The following CREB5 variants were observed in gnomAD, a reference collection of about 807,000 sequenced individuals.
CREB5 encodes the protein cAMP responsive element binding protein 5, also known as cyclic AMP-responsive element-binding protein 5.
CREB5 carries 19 observed loss-of-function variants against 57.1 expected under a neutral mutation model. The ratio of observed to expected loss-of-function variants is 0.33; its 90% confidence interval spans 0.23 to 0.49. CREB5 has a LOEUF of 0.49. CREB5 is among the 20% of genes least tolerant of loss of function. The pLI, the probability that CREB5 is intolerant of heterozygous loss-of-function variation, is 0.99. For synonymous variants in CREB5, 238 were observed against 238.3 expected, an observed-to-expected ratio of 1.00 and a Z score of 0.01; for missense variants, 579 against 671.6, an observed-to-expected ratio of 0.86 and a Z score of 1.52.
At chr7:28,634,955 A>T (rs745403478) in intron 5 of CREB5, among the ~76,000 whole-genome samples, 2 of 152,216 alleles carry the variant, frequency 1.3e-5, no homozygotes, top group Non-Finnish European at 2.9e-5. Flanking sequence ...CCAACAACAC[A>T]CAAAAGACAT....
intron 1 of CREB5, among the ~76,000 whole-genome samples, chr7:28,305,215 A>G (rs1175820984): frequency 1.3e-5 from 2 of 152,118 alleles, no homozygotes; most frequent in African/African-American, 4.8e-5. Context: ...TCTTTTTTTT[A>G]CAATACCTTT....
chr7:28,480,769 G>A (rs1791289855), intron 1 of CREB5, among the ~76,000 whole-genome samples: 1 of 152,162 alleles, frequency 6.6e-6, no homozygotes, highest in African/African-American at 2.4e-5. Flanking sequence ...AGGGGACAAG[G>A]ACCTAAATGC....
chr7:28,668,992 C>T (rs542706542), intron 5 of CREB5, among the ~76,000 whole-genome samples: 1 of 152,128 alleles, frequency 6.6e-6, no homozygotes. Flanking sequence ...GTATGCAACA[C>T]GAGAAAGGCA....
At chr7:28,371,716 G>C (rs1167617653) in intron 1 of CREB5, among the ~76,000 whole-genome samples, 1 of 152,100 alleles carries the variant, frequency 6.6e-6, no homozygotes, top group East Asian at 1.9e-4. Context: ...GGAGTTGGAA[G>C]TCCCGCCCCT....
At chr7:28,343,206 C>T (rs183503111) in intron 1 of CREB5, among the ~76,000 whole-genome samples, 3 of 152,328 alleles carry the variant, frequency 2.0e-5, no homozygotes, top group African/African-American at 7.2e-5. Context: ...TCCGAAAGTG[C>T]TGGGATTACA....
At chr7:28,449,587 C>A (rs1789685143) in intron 1 of CREB5, among the ~76,000 whole-genome samples, 1 of 152,182 alleles carries the variant, frequency 6.6e-6, no homozygotes, top group Non-Finnish European at 1.5e-5. Context: ...GTCCTGCAAC[C>A]TCAATGATAT....
At chr7:28,483,610 T>C (rs1791429991) in intron 1 of CREB5, among the ~76,000 whole-genome samples, 1 of 152,198 alleles carries the variant, frequency 6.6e-6, no homozygotes, top group East Asian at 1.9e-4. Flanking sequence ...GCCACAATTA[T>C]GACAGTGTCT....
intron 5 of CREB5, among the ~76,000 whole-genome samples, chr7:28,677,484 G>A (rs1022855507): frequency 6.6e-6 from 1 of 152,150 alleles, no homozygotes; most frequent in Non-Finnish European, 1.5e-5. Flanking sequence ...GCCTTCAAGG[G>A]ATTGAGATTC....
chr7:28,311,138 C>CAAAAAAAAAAAA (rs58272820), intron 1 of CREB5, among the ~76,000 whole-genome samples: 163 of 117,362 alleles, frequency 1.4e-3, no homozygotes, highest in Middle Eastern at 4.8e-3. Flanking sequence ...ACTAAAAATA[C>CAAAAAAAAAAAA]AAAAAAAAAA....
intron 1 of CREB5, among the ~76,000 whole-genome samples, chr7:28,437,042 T>C (rs1357433712): frequency 1.3e-5 from 2 of 152,160 alleles, no homozygotes; most frequent in Non-Finnish European, 2.9e-5. Context: ...GTCATGATTT[T>C]GTCTCCACTT....
chr7:28,342,683 C>T (rs1387271195), intron 1 of CREB5, among the ~76,000 whole-genome samples: 1 of 152,200 alleles, frequency 6.6e-6, no homozygotes, highest in East Asian at 1.9e-4. Flanking sequence ...TCTGTCTGTT[C>T]CACCTCATGC....
At chr7:28,756,355 C>A (rs1024063764) in intron 7 of CREB5, among the ~76,000 whole-genome samples, 1 of 151,980 alleles carries the variant, frequency 6.6e-6, no homozygotes, top group Admixed American at 6.6e-5. Flanking sequence ...GAGTTCGAGA[C>A]CAGCCTGAGC....
chr7:28,763,064 C>T (rs1034379333), intron 7 of CREB5, among the ~76,000 whole-genome samples: 1 of 152,192 alleles, frequency 6.6e-6, no homozygotes, highest in African/African-American at 2.4e-5. Flanking sequence ...GAGGCCTAAC[C>T]TTGCTTAAAG....
chr7:28,447,848 A>T (rs1789565061), intron 1 of CREB5, among the ~76,000 whole-genome samples: 1 of 152,076 alleles, frequency 6.6e-6, no homozygotes, highest in African/African-American at 2.4e-5. Context: ...ACTTAGAGAG[A>T]TATTTATTAA....
intron 1 of CREB5, among the ~76,000 whole-genome samples, chr7:28,460,944 T>A (rs1376952137): frequency 2.6e-5 from 4 of 151,912 alleles, no homozygotes; most frequent in Admixed American, 2.6e-4. Context: ...CCTATAGTCC[T>A]AGCTACTCAG....
chr7:28,438,501 T>C (rs1789051451), intron 1 of CREB5, among the ~76,000 whole-genome samples: 1 of 152,170 alleles, frequency 6.6e-6, no homozygotes, highest in Non-Finnish European at 1.5e-5. Context: ...TAATTCATTT[T>C]TCTTTTTAAA....
chr7:28,698,202 G>A (rs574441579), intron 5 of CREB5, among the ~76,000 whole-genome samples: 6 of 152,114 alleles, frequency 3.9e-5, no homozygotes, highest in South Asian at 2.1e-4. Context: ...TTTACCGAAC[G>A]CAAAATGCCA....
rs1361566092 is a variant in CREB5, at chr7:28,819,285, A to C, written c.*6A>C. 1 of 1,611,790 alleles carries C rather than the reference A, an allele frequency of 6.2e-7. No individual in the cohort carries two copies. Among genetic ancestry groups the C allele is most frequent in the Admixed American group, 1.7e-5 (1 of 59,730 alleles). On this transcript the variant is annotated 3_prime_UTR_variant, in exon 11 of 11. Coordinates refer to ENST00000357727, the MANE Select transcript of CREB5 (RefSeq NM_182898.4). ...ACCTGAATCCGATTCTTTAAAATGC[A>C]CCATCAGACCTGGCCTCCAAGAAGA...
intron 5 of CREB5, among the ~76,000 whole-genome samples, chr7:28,655,748 G>A (rs556029334): frequency 6.6e-6 from 1 of 152,144 alleles, no homozygotes; most frequent in African/African-American, 2.4e-5. Flanking sequence ...AAAGGTTTCT[G>A]TTAGTCGTGT....
Sources: gnomAD v4.1 joint callset for allele counts (sites outside exome capture counted in the v4.1 genomes callset) on GRCh38, gnomAD v4.1.1 for gene constraint, MANE v1.5 for transcripts, NCBI Gene and HGNC (gene_info 2026-07-23, HGNC 2026-07-21) for gene names.